Variants in ARFGEF1 observed in about 807,000 individuals in gnomAD.
ARFGEF1 encodes the protein ARF guanine nucleotide exchange factor 1.
A neutral mutation model predicts 231.0 loss-of-function variants in ARFGEF1; 42 were observed. The ratio of observed to expected loss-of-function variants is 0.18; its 90% CI spans 0.14 to 0.24. The LOEUF (loss-of-function observed/expected upper bound fraction) is 0.24. ARFGEF1 is among the 10% of genes least tolerant of loss of function. ARFGEF1 has a pLI of 1.00. For synonymous variants in ARFGEF1, 710 were observed against 732.3 expected (o/e 0.97, Z 0.49); for missense variants, 1,345 against 2,192.0 (o/e 0.61, Z 7.72).
chr8:67,237,714 C>A (rs76397191), intron 22 of ARFGEF1, among the ~76,000 whole-genome samples: 2,304 of 152,114 alleles, frequency 0.015, 64 homozygotes, highest in African/African-American at 0.053. Flanking sequence ...TGAATCTCGG[C>A]GAACTAAAGT....
At chr8:67,325,669 C>G (rs928082258) in intron 1 of ARFGEF1, among the ~76,000 whole-genome samples, 5 of 152,130 alleles carry the variant, frequency 3.3e-5, no homozygotes, top group African/African-American at 2.4e-5. Flanking sequence ...ATAACTAATA[C>G]GTCTAATATT....
chr8:67,311,078 T>C (rs1807006407), intron 1 of ARFGEF1, among the ~76,000 whole-genome samples: 1 of 143,104 alleles, frequency 7.0e-6, no homozygotes, highest in Non-Finnish European at 1.5e-5. Flanking sequence ...GGAGCCCCTC[T>C]GCCCGGCCAG....
At chr8:67,224,341 T>A (rs1357895436) in intron 29 of ARFGEF1, among the ~76,000 whole-genome samples, 3 of 152,172 alleles carry the variant, frequency 2.0e-5, no homozygotes, top group Non-Finnish European at 4.4e-5. Context: ...CTAAGAACAG[T>A]GTGTTAGCAT....
At chr8:67,341,143 T>G (rs2128940025) in intron 1 of ARFGEF1, among the ~76,000 whole-genome samples, 1 of 152,262 alleles carries the variant, frequency 6.6e-6, no homozygotes, top group Admixed American at 6.5e-5. Flanking sequence ...CAGACTCTCA[T>G]TCCAGTAGGC....
downstream of ARFGEF1, chr8:67,196,411 C>CATT (rs755914243): frequency 3.3e-5 from 5 of 152,150 alleles, no homozygotes; most frequent in Non-Finnish European, 7.4e-5. Context: ...GTTTTCTAAT[C>CATT]ACTCAGTAAG....
chr8:67,277,524 A>G (rs1805362414), intron 7 of ARFGEF1, 67 bp from the exon 8 acceptor site: 2 of 1,438,230 alleles, frequency 1.4e-6, no homozygotes, highest in East Asian at 2.3e-5. Flanking sequence ...TAAAAAGCAC[A>G]GAGTATTTAA....
chr8:67,185,312 C>A (rs1834280253), intron 5 of ARFGEF1, among the ~76,000 whole-genome samples: 1 of 152,148 alleles, frequency 6.6e-6, no homozygotes, highest in Non-Finnish European at 1.5e-5. Flanking sequence ...CGGTTGTGAA[C>A]TAAAGGCCGA....
intron 34 of ARFGEF1, among the ~76,000 whole-genome samples, chr8:67,210,792 CG>C (rs1172356386): frequency 6.6e-6 from 1 of 152,006 alleles, no homozygotes; most frequent in Non-Finnish European, 1.5e-5. Flanking sequence ...CAGTGGCTCA[CG>C]CCTGTAATCC....
chr8:67,291,576 C>A (rs1179934647), intron 6 of ARFGEF1, among the ~76,000 whole-genome samples: 2 of 152,012 alleles, frequency 1.3e-5, no homozygotes, highest in African/African-American at 4.8e-5. Flanking sequence ...ACATTTATGA[C>A]CCTCTTTAGA....
At chr8:67,183,417 G>C (rs1833537553) in intron 5 of ARFGEF1, among the ~76,000 whole-genome samples, 1 of 152,146 alleles carries the variant, frequency 6.6e-6, no homozygotes, top group Non-Finnish European at 1.5e-5. Flanking sequence ...AACCTTAACA[G>C]ATGTAAAAGA....
chr8:67,292,588 A>C (rs1806056974), intron 5 of ARFGEF1, among the ~76,000 whole-genome samples: 1 of 152,176 alleles, frequency 6.6e-6, no homozygotes, highest in African/African-American at 2.4e-5. Context: ...TTAATAAAAA[A>C]ATTAAAATTA....
In ARFGEF1 at chr8:67,289,547, T is replaced by TC. The variant is rs1423036014; in HGVS notation, c.917-1483dup. Among the ~76,000 whole-genome samples the TC allele has an allele frequency of 2.9e-3, 130 of 45,374 alleles. 1 individual carries two copies. Among genetic ancestry groups the TC allele is most frequent in the African/African-American group, 0.015 (129 of 8,890 alleles). 29.8% of individuals were successfully genotyped at this position (45,374 alleles called of 152,430 possible). A position where few individuals can be genotyped will look rare whatever the true frequency, so the allele number is the denominator to read the frequency against. ...CAGGGTGACAGAGCAAGACTCTGTATCCAAAAAAAAAAAAAAAAAAAAAAA... is the reference window on the plus strand; with the variant it reads ...CAGGGTGACAGAGCAAGACTCTGTATCCCAAAAAAAAAAAAAAAAAAAAAAA... On this transcript the variant is annotated intron_variant, in intron 6 of 38. Coordinates refer to ENST00000262215, the MANE Select transcript of ARFGEF1 (RefSeq NM_006421.5).
At chr8:67,175,258 A>G, downstream of ARFGEF1, 1 of 1,500,908 alleles carries the variant, frequency 6.7e-7, no homozygotes, top group Non-Finnish European at 9.1e-7. Flanking sequence ...TTTGAAAACA[A>G]CATTTAACTT....
chr8:67,328,564 C>T (rs1422199094), intron 1 of ARFGEF1, among the ~76,000 whole-genome samples: 1 of 152,160 alleles, frequency 6.6e-6, no homozygotes, highest in Non-Finnish European at 1.5e-5. Context: ...CCCTGTCCTC[C>T]ATATCTAGCT....
At chr8:67,249,198 T>C (rs1487839908) in intron 19 of ARFGEF1, among the ~76,000 whole-genome samples, 1 of 150,410 alleles carries the variant, frequency 6.6e-6, no homozygotes, top group Non-Finnish European at 1.5e-5. Context: ...CTTACCATTT[T>C]TTGACTTTAC....
chr8:67,209,442 T>C (rs1032587208), intron 34 of ARFGEF1, among the ~76,000 whole-genome samples: 1 of 152,212 alleles, frequency 6.6e-6, no homozygotes, highest in Non-Finnish European at 1.5e-5. Flanking sequence ...GAAGTGGCTG[T>C]ATAACAGTTA....
intron 1 of ARFGEF1, among the ~76,000 whole-genome samples, chr8:67,305,033 TG>T (rs1344118176): frequency 6.6e-6 from 1 of 152,186 alleles, no homozygotes; most frequent in African/African-American, 2.4e-5. Flanking sequence ...AATTCCCATT[TG>T]TAAAATAATT....
intron 1 of ARFGEF1, among the ~76,000 whole-genome samples, chr8:67,323,342 GGGTAACATATGTT>G (rs1243916322): frequency 6.6e-6 from 1 of 152,112 alleles, no homozygotes; most frequent in Admixed American, 6.5e-5. Flanking sequence ...AGACCTAACT[GGGTAACATATGTT>G]GGTAACACCT....
chr8:67,252,298 A>G (rs1840313542), intron 18 of ARFGEF1, among the ~76,000 whole-genome samples: 1 of 150,530 alleles, frequency 6.6e-6, no homozygotes, highest in South Asian at 2.1e-4. Flanking sequence ...AAAAAAAAAA[A>G]AAAAAAAAAA....
Sources: allele counts gnomAD v4.1 joint callset (sites outside exome capture counted in the v4.1 genomes callset), GRCh38; gene constraint gnomAD v4.1.1; transcripts MANE v1.5; gene names NCBI Gene and HGNC (gene_info 2026-07-23, HGNC 2026-07-21).